TFEC: variants seen among roughly 807,000 people sequenced by gnomAD.
TFEC encodes the protein class E basic helix-loop-helix protein 34.
Under a neutral mutation model 41.6 loss-of-function variants are expected in TFEC, and 31 were observed. That is an observed-to-expected ratio of 0.74 (90% CI 0.56 to 1.01). The LOEUF is 1.01. Ranked by LOEUF, TFEC falls within the 50% of genes least tolerant of loss-of-function variation. TFEC has a pLI of 0.00. For synonymous variants in TFEC, 143 were observed against 140.6 expected, an observed-to-expected ratio of 1.02 and a Z score of -0.12; for missense variants, 402 against 404.1, an observed-to-expected ratio of 0.99 and a Z score of 0.04.
chr7:116,129,156 C>T (rs1192691117), intron 1 of TFEC, among the ~76,000 whole-genome samples: 1 of 152,052 alleles, frequency 6.6e-6, no homozygotes, highest in East Asian at 1.9e-4. Flanking sequence ...TCCCATTTGG[C>T]AATATTTATT....
intron 2 of TFEC, among the ~76,000 whole-genome samples, chr7:115,982,483 G>GT (rs1272912690): frequency 6.6e-6 from 1 of 152,194 alleles, no homozygotes; most frequent in Admixed American, 6.5e-5. Context: ...ATCAAAGATA[G>GT]TAAGTCTGTG....
At chr7:115,952,807 A>G (rs1792017208) in intron 5 of TFEC, among the ~76,000 whole-genome samples, 1 of 152,094 alleles carries the variant, frequency 6.6e-6, no homozygotes, top group African/African-American at 2.4e-5. Flanking sequence ...TCCAGGCAAG[A>G]GAGGCTCTTA....
chr7:115,948,940 G>C (rs374980730), intron 6 of TFEC, among the ~76,000 whole-genome samples: 13 of 151,444 alleles, frequency 8.6e-5, no homozygotes, highest in South Asian at 4.2e-4. Context: ...GATTGTATAT[G>C]TAGAAAACCC....
intron 3 of TFEC, among the ~76,000 whole-genome samples, chr7:116,073,766 C>A (rs577209266): frequency 1.3e-5 from 2 of 151,932 alleles, no homozygotes; most frequent in East Asian, 1.9e-4. Flanking sequence ...ATAATCAGAA[C>A]AATTTGGAAC....
chr7:116,036,610 C>A (rs1291958031), intron 3 of TFEC, among the ~76,000 whole-genome samples: 3 of 152,000 alleles, frequency 2.0e-5, no homozygotes, highest in Middle Eastern at 3.2e-3. Context: ...ATTATTTATT[C>A]ATTAATTAAT....
chr7:116,025,343 T>G (rs1382089441), intron 1 of TFEC, among the ~76,000 whole-genome samples: 2 of 152,136 alleles, frequency 1.3e-5, no homozygotes, highest in East Asian at 3.8e-4. Flanking sequence ...TTCAGAAATG[T>G]GGGATGAAGG....
intron 3 of TFEC, among the ~76,000 whole-genome samples, chr7:116,064,953 T>C (rs1221375110): frequency 6.6e-6 from 1 of 152,154 alleles, no homozygotes; most frequent in African/African-American, 2.4e-5. Context: ...AGATTAATTG[T>C]CTAAAGAAAA....
chr7:116,018,599 G>C (rs1483048741), intron 1 of TFEC, among the ~76,000 whole-genome samples: 1 of 152,208 alleles, frequency 6.6e-6, no homozygotes. Flanking sequence ...AGAAAAAATA[G>C]AGCTGAGGCT....
At chr7:116,121,985 G>A (rs759175761) in intron 1 of TFEC, among the ~76,000 whole-genome samples, 6 of 152,026 alleles carry the variant, frequency 3.9e-5, no homozygotes, top group Admixed American at 6.6e-5. Context: ...TTCCGAACAG[G>A]TAACAAATGT....
At chr7:116,115,899 A>G (rs1797977420) in intron 1 of TFEC, among the ~76,000 whole-genome samples, 1 of 151,960 alleles carries the variant, frequency 6.6e-6, no homozygotes, top group Non-Finnish European at 1.5e-5. Context: ...TACTCTCTAC[A>G]GCCCTAAGAC....
intron 1 of TFEC, among the ~76,000 whole-genome samples, chr7:116,147,997 T>G (rs1409183524): frequency 1.3e-5 from 2 of 152,058 alleles, no homozygotes; most frequent in African/African-American, 4.8e-5. Context: ...TGGACCCAGA[T>G]AAGGGAAGTA....
intron 4 of TFEC, among the ~76,000 whole-genome samples, chr7:115,955,614 C>T (rs1792182162): frequency 6.6e-6 from 1 of 151,952 alleles, no homozygotes; most frequent in African/African-American, 2.4e-5. Flanking sequence ...ATTCACTAGG[C>T]CACTCCTGGA....
chr7:116,075,874 C>T (rs1796947941), intron 3 of TFEC, among the ~76,000 whole-genome samples: 1 of 152,154 alleles, frequency 6.6e-6, no homozygotes, highest in African/African-American at 2.4e-5. Flanking sequence ...GAATACTTAA[C>T]CAGGCATCCC....
chr7:115,969,928 C>T (rs184125789), intron 3 of TFEC, among the ~76,000 whole-genome samples: 2 of 152,002 alleles, frequency 1.3e-5, no homozygotes, highest in East Asian at 3.9e-4. Flanking sequence ...TTGTTTGTTT[C>T]TTTCACATCA....
At chr7:116,126,241 A>G (rs950904243) in intron 1 of TFEC, among the ~76,000 whole-genome samples, 1 of 152,208 alleles carries the variant, frequency 6.6e-6, no homozygotes, top group Non-Finnish European at 1.5e-5. Context: ...AATATCTTTT[A>G]TGAAATAAAA....
At chr7:116,059,355 T>G (rs1237443477) in intron 3 of TFEC, among the ~76,000 whole-genome samples, 1 of 151,890 alleles carries the variant, frequency 6.6e-6, no homozygotes, top group African/African-American at 2.4e-5. Flanking sequence ...ATATGAAGTT[T>G]AAAAGCTTCC....
At chr7:116,040,445 T>A in intron 3 of TFEC, among the ~76,000 whole-genome samples, 1 of 152,166 alleles carries the variant, frequency 6.6e-6, no homozygotes, top group South Asian at 2.1e-4. Context: ...AAAATAAATA[T>A]CACATAGGCA....
chr7:116,123,192 C>G (rs1235501407), intron 1 of TFEC, among the ~76,000 whole-genome samples: 2 of 152,108 alleles, frequency 1.3e-5, no homozygotes, highest in South Asian at 4.1e-4. Context: ...CTAGTGGCCC[C>G]AGCAAGATAA....
chr7:115,992,859 C>A (rs991960512), intron 1 of TFEC, among the ~76,000 whole-genome samples: 1 of 152,120 alleles, frequency 6.6e-6, no homozygotes, highest in Non-Finnish European at 1.5e-5. Context: ...TTTTATGAGG[C>A]CAGCATCATC....
Sources: allele counts gnomAD v4.1 joint callset (sites outside exome capture counted in the v4.1 genomes callset), GRCh38; gene constraint gnomAD v4.1.1; transcripts MANE v1.5; gene names NCBI Gene and HGNC (gene_info 2026-07-23, HGNC 2026-07-21).